Variants in KCNN2 observed in about 807,000 individuals in gnomAD.
KCNN2 encodes the protein small conductance calcium-activated potassium channel protein 2.
Under a neutral mutation model 55.5 loss-of-function variants are expected in KCNN2, and 24 were observed. That is an observed-to-expected ratio of 0.43 (90% CI 0.31 to 0.61). KCNN2 has a LOEUF of 0.61. Among genes scored for constraint, KCNN2 ranks in the 20% least tolerant of loss-of-function variants. The pLI is 0.08. For synonymous variants in KCNN2, 431 were observed against 336.1 expected, an observed-to-expected ratio of 1.28 and a Z score of -3.09; for missense variants, 754 against 853.6, an observed-to-expected ratio of 0.88 and a Z score of 1.45.
chr5:114,158,221 T>G (rs1752683161), intron 1 of KCNN2, among the ~76,000 whole-genome samples: 1 of 152,226 alleles, frequency 6.6e-6, no homozygotes, highest in African/African-American at 2.4e-5. Flanking sequence ...TTTCTACATA[T>G]GACTAGCCAG....
intron 2 of KCNN2, among the ~76,000 whole-genome samples, chr5:114,385,519 G>GCGCGCACACACACA (rs1458678711): frequency 3.8e-4 from 55 of 143,454 alleles, no homozygotes; most frequent in African/African-American, 1.4e-3. Flanking sequence ...ACACATGCGC[G>GCGCGCACACACACA]CACACACACA....
intron 5 of KCNN2, 70 bp downstream of exon 5, chr5:114,473,234 T>G: frequency 9.7e-7 from 1 of 1,030,876 alleles, no homozygotes; most frequent in Non-Finnish European, 1.5e-6. Flanking sequence ...AAATATGGTT[T>G]TTATTTTGAC....
intron 1 of KCNN2, among the ~76,000 whole-genome samples, chr5:114,087,215 C>T (rs1751035415): frequency 6.6e-6 from 1 of 152,014 alleles, no homozygotes; most frequent in Admixed American, 6.6e-5. Flanking sequence ...TTTTCTCTCC[C>T]ATTCTGTAGT....
At chr5:114,073,153 C>T (rs1750611646) in intron 1 of KCNN2, among the ~76,000 whole-genome samples, 1 of 152,126 alleles carries the variant, frequency 6.6e-6, no homozygotes, top group South Asian at 2.1e-4. Flanking sequence ...TTGTGTTCTT[C>T]TGTTTTGTGT....
chr5:114,095,991 T>C (rs1438321523), intron 1 of KCNN2, among the ~76,000 whole-genome samples: 2 of 152,182 alleles, frequency 1.3e-5, no homozygotes, highest in African/African-American at 2.4e-5. Flanking sequence ...ATCTGGCCTA[T>C]AGAAAATGCA....
chr5:114,295,509 C>G (rs867082282), intron 2 of KCNN2, among the ~76,000 whole-genome samples: 1 of 152,282 alleles, frequency 6.6e-6, no homozygotes, highest in African/African-American at 2.4e-5. Flanking sequence ...GAGCCATGTG[C>G]GGGATATAAT....
intron 2 of KCNN2, among the ~76,000 whole-genome samples, chr5:114,225,721 C>A (rs900546864): frequency 4.0e-5 from 6 of 151,846 alleles, no homozygotes; most frequent in Non-Finnish European, 8.8e-5. Context: ...ATAAGACTTA[C>A]CAAAAAGAGA....
At chr5:114,358,401 A>G (rs1339526791), upstream of KCNN2, among the ~76,000 whole-genome samples, 1 of 152,152 alleles carries the variant, frequency 6.6e-6, no homozygotes, top group Non-Finnish European at 1.5e-5. Context: ...CGTGTTCACA[A>G]GCTTGAAATT....
At chr5:114,126,505 T>A (rs1216563416) in intron 1 of KCNN2, among the ~76,000 whole-genome samples, 1 of 152,094 alleles carries the variant, frequency 6.6e-6, no homozygotes, top group Non-Finnish European at 1.5e-5. Flanking sequence ...GAGAACAGGA[T>A]GTAGGAATCC....
chr5:114,134,607 C>T (rs1215405320), intron 1 of KCNN2, among the ~76,000 whole-genome samples: 2 of 151,926 alleles, frequency 1.3e-5, no homozygotes, highest in Non-Finnish European at 2.9e-5. Context: ...TCCCGAATAG[C>T]TGGGATTACA....
intron 2 of KCNN2, among the ~76,000 whole-genome samples, chr5:114,233,965 C>T (rs1754418146): frequency 1.3e-5 from 2 of 151,022 alleles, no homozygotes; most frequent in Admixed American, 6.6e-5. Flanking sequence ...ATTCATTTAC[C>T]ATTCCTTAGA....
intron 1 of KCNN2, among the ~76,000 whole-genome samples, chr5:114,146,523 G>T (rs764496576): frequency 6.6e-6 from 1 of 152,074 alleles, no homozygotes; most frequent in Non-Finnish European, 1.5e-5. Context: ...TGGCTTCTCC[G>T]GTTTGACAGG....
At chr5:114,314,096 G>A (rs1336570665) in intron 2 of KCNN2, among the ~76,000 whole-genome samples, 1 of 152,080 alleles carries the variant, frequency 6.6e-6, no homozygotes, top group Non-Finnish European at 1.5e-5. Flanking sequence ...TTGTGTAGCT[G>A]TTCATGTTGT....
chr5:114,417,352 A>G (rs1341487183), intron 3 of KCNN2, among the ~76,000 whole-genome samples: 2 of 152,078 alleles, frequency 1.3e-5, no homozygotes, highest in Non-Finnish European at 2.9e-5. Context: ...GCTTTCTACT[A>G]TTTAGTAAGG....
intron 2 of KCNN2, among the ~76,000 whole-genome samples, chr5:114,388,978 G>A (rs1166007331): frequency 6.6e-6 from 1 of 152,160 alleles, no homozygotes; most frequent in Non-Finnish European, 1.5e-5. Flanking sequence ...GCATTGTGTT[G>A]TAATACAGTG....
chr5:114,112,380 T>C (rs975769084), intron 1 of KCNN2, among the ~76,000 whole-genome samples: 5 of 152,066 alleles, frequency 3.3e-5, no homozygotes, highest in Non-Finnish European at 4.4e-5. Context: ...CTAATGTAAA[T>C]GATGAGTTGC....
Position 114,496,120 on chromosome 5 carries a change from T to G in KCNN2, c.2314T>G (p.Ser772Ala). The change falls in exon 8 of 8, where the codon TCC becomes GCC. Residue 772 changes from serine (S) to alanine (A), a missense_variant. Ser to Ala is a moderately conservative substitution (Grantham distance 99). This residue lies in a region of KCNN2 where 164 missense variants were observed against 156.6 expected (regional missense o/e 1.05). Coordinates refer to ENST00000673685, the MANE Select transcript of KCNN2 (RefSeq NM_021614.4). ...CACTTACAATGCTGAGCGGTCCCGG[T>G]CCTCGTCCAGGAGGCGGCGGTCCTC... ...HVTYNAERSR[S>A]SSRRRRSSST... 3 of 1,614,012 alleles carry G rather than the reference T, an allele frequency of 1.9e-6. No individual in the cohort carries two copies. The highest frequency in any genetic ancestry group is 1.7e-6 in the Non-Finnish European group (2 of 1,179,960).
chr5:114,190,213 T>C (rs2112562142), intron 1 of KCNN2, among the ~76,000 whole-genome samples: 1 of 152,174 alleles, frequency 6.6e-6, no homozygotes, highest in Admixed American at 6.5e-5. Flanking sequence ...GTGCATACCT[T>C]GTTACCCAGC....
At chr5:114,233,588 G>T (rs986568803) in intron 2 of KCNN2, among the ~76,000 whole-genome samples, 1 of 151,992 alleles carries the variant, frequency 6.6e-6, no homozygotes, top group Admixed American at 6.6e-5. Flanking sequence ...GTGGGAAACC[G>T]CTTTCTTTTT....
Sources: gnomAD v4.1 joint callset for allele counts (sites outside exome capture counted in the v4.1 genomes callset) on GRCh38, gnomAD v4.1.1 for gene constraint, gnomAD v4.1.1 regional missense constraint, MANE v1.5 for transcripts, NCBI Gene and HGNC (gene_info 2026-07-23, HGNC 2026-07-21) for gene names.